The following PIGT variants were observed in gnomAD, a reference collection of about 807,000 sequenced individuals.
PIGT encodes GPI-anchor transamidase component PIGT.
PIGT carries 57 observed loss-of-function variants against 66.7 expected under a neutral mutation model. The observed-to-expected ratio is 0.86, with a 90% CI of 0.69 to 1.07. The LOEUF is 1.07. Ranked by LOEUF, PIGT falls within the 50% of genes least tolerant of loss-of-function variation. The pLI is 0.00. For missense variants in PIGT, 725 were observed against 740.4 expected, an observed-to-expected ratio of 0.98 and a Z score of 0.24; for synonymous variants, 362 against 320.5, an observed-to-expected ratio of 1.13 and a Z score of -1.38.
In PIGT at chr20:45,424,558, A is replaced by T. The variant is rs759502546; in HGVS notation, c.1463A>T (p.Glu488Val). 1 of 1,613,906 alleles carries T rather than the reference A, an allele frequency of 6.2e-7. No homozygotes were observed. Among genetic ancestry groups the T allele is most frequent in the Non-Finnish European group, 8.5e-7 (1 of 1,179,870 alleles). ...MVAAKPVDWEESPLFNSLFPV... is the reference protein window; with the variant it reads ...MVAAKPVDWEVSPLFNSLFPV... ...GCAGCCAAGCCAGTGGACTGGGAAGAGAGTCCCCTCTTCAACAGCCTGTAA... is the reference window on the plus strand; with the variant it reads ...GCAGCCAAGCCAGTGGACTGGGAAGTGAGTCCCCTCTTCAACAGCCTGTAA... Residue 488 changes from glutamate (E) to valine (V), a missense_variant, in exon 11 of 12, where the codon GAG becomes GTG. Coordinates refer to ENST00000279036, the MANE Select transcript of PIGT (RefSeq NM_015937.6).
rs1989964747 is a variant in PIGT at position 45,416,304 on chromosome 20, T to C, written c.148T>C (p.Phe50Leu). The C allele has an allele frequency of 6.3e-7, 1 of 1,596,970 alleles. No individual in the cohort carries two copies. The highest frequency in any genetic ancestry group is 8.5e-7 in the Non-Finnish European group (1 of 1,170,692). ...CGGGGACGTAGCCGCCACATTCCAG[T>C]TCCGCACGCGCTGGGATTCGGAGCT... Reference protein sequence around the residue: ...PSGDVAATFQFRTRWDSELQR... With the variant: ...PSGDVAATFQLRTRWDSELQR... The change falls in exon 1 of 12, where the codon TTC (phenylalanine) becomes CTC (leucine). Residue 50 changes from phenylalanine (F) to leucine (L), a missense_variant. Physicochemically the swap from Phe to Leu is conservative, Grantham distance 22. Transcript: ENST00000279036.
In PIGT at chr20:45,425,709, T is replaced by C. The variant is rs707577; in HGVS notation, c.1620T>C (p.Tyr540=). The C allele has an allele frequency of 0.75, 1,212,217 of 1,613,830 alleles. 456,972 individuals carry two copies. The highest frequency in any genetic ancestry group is 0.82 in the Middle Eastern group (4,969 of 6,060). Residue 540 remains tyrosine, a synonymous_variant, in exon 12 of 12, where the codon TAT becomes TAC. Transcript: ENST00000279036. ...CLTCTVVAVC[Y]GSFYNLLTRT... is the part of the protein sequence containing the mutation. ...CGTGCACTGTGGTGGCCGTGTGCTA[T>C]GGCTCCTTCTACAATCTCCTCACCC...
Position 45,420,137 on chromosome 20 carries a change from A to T in PIGT, c.683A>T (p.Asn228Ile). The T allele has an allele frequency of 6.2e-7, 1 of 1,609,924 alleles. No individual in the cohort carries two copies. The highest frequency in any genetic ancestry group is 8.5e-7 in the Non-Finnish European group (1 of 1,177,700). ...QAVHIRPVCR[N>I]ARCTSISWEL... ...GCTGCCATCTGGCCCTTGTGATAGA[A>T]TGCACGCTGTACTAGCATCTCCTGG... Residue 228 changes from asparagine (N) to isoleucine (I), a missense_variant and splice_region_variant, in exon 6 of 12, where the codon AAT (asparagine) becomes ATT (isoleucine). This residue lies in a region of PIGT where 559 missense variants were observed against 552.7 expected (regional missense o/e 1.01). Coordinates refer to ENST00000279036, the MANE Select transcript of PIGT (RefSeq NM_015937.6).
At position 45,424,556 on chromosome 20, in the gene PIGT, A is replaced by G. The variant is rs1254625355; in HGVS notation, c.1461A>G (p.Glu487=). 1.2e-6 allele frequency: 2 copies of G among 1,614,020 alleles called. No individual in the cohort carries two copies. The highest frequency in any genetic ancestry group is 1.7e-6 in the Non-Finnish European group (2 of 1,179,870). The part of the protein sequence containing the change: ...SMVAAKPVDW[E]ESPLFNSLFP... ...TAGCAGCCAAGCCAGTGGACTGGGA[A>G]GAGAGTCCCCTCTTCAACAGCCTGT... is the stretch of plus-strand genomic sequence containing the variant. Residue 487 remains glutamate, a synonymous_variant, in exon 11 of 12, where the codon GAA becomes GAG. Transcript: ENST00000279036.
In PIGT at chr20:45,420,612, T is replaced by C; in HGVS notation, c.952T>C (p.Tyr318His). Residue 318 changes from tyrosine to histidine, a missense_variant, in exon 8 of 12, where the codon TAT becomes CAT. Tyr to His is a moderately conservative substitution (Grantham distance 83, BLOSUM62 2). Around this residue, in one of 3 missense-constraint regions of PIGT, gnomAD observed 559 missense variants for 552.7 expected, o/e 1.01. Coordinates refer to ENST00000279036, the MANE Select transcript of PIGT (RefSeq NM_015937.6). ...AGGCACTCGGAAGACCTATGCCATC[T>C]ATGACTTGCTTGACACCGCCATGAT... ...ILGTRKTYAI[Y>H]DLLDTAMINN... 1 of 1,613,864 alleles carries C rather than the reference T, an allele frequency of 6.2e-7. No individual in the cohort carries two copies.
intron 11 of PIGT, 172 bp downstream of exon 11, chr20:45,424,751 A>T: frequency 1.7e-6 from 1 of 602,560 alleles, no homozygotes; most frequent in Non-Finnish European, 3.0e-6. Context: ...ATTTGTGAAG[A>T]CTTTATAAAA....
chr20:45,421,421 G>A lies in PIGT; in HGVS notation c.1072G>A (p.Val358Met), dbSNP rs370184382. The part of the protein sequence containing the change: ...PVPFLHAQRY[V>M]SGYGLQKGEL... The stretch of plus-strand genomic sequence containing the variant: ...GCCCTTCCTGCATGCCCAGCGGTAC[G>A]TGAGTGGCTATGGGCTGCAGAAGGG... Residue 358 changes from valine to methionine, a missense_variant, in exon 9 of 12, where the codon GTG becomes ATG. Transcript: ENST00000279036. 28 of 1,614,162 alleles carry A rather than the reference G, an allele frequency of 1.7e-5. No individual in the cohort carries two copies. In the East Asian group the frequency reaches 5.1e-4, roughly 30 times the overall value.
chr20:45,416,160 G>A lies in PIGT; in HGVS notation c.4G>A (p.Ala2Thr). The A allele has an allele frequency of 6.4e-7, 1 of 1,559,756 alleles. No homozygotes were observed. The highest frequency in any genetic ancestry group is 8.7e-7 in the Non-Finnish European group (1 of 1,154,324). Residue 2 changes from alanine to threonine, a missense_variant, in exon 1 of 12, where the codon GCG (alanine) becomes ACG (threonine). Ala to Thr is a moderately conservative substitution (Grantham distance 58). This residue lies in a region of PIGT where 559 missense variants were observed against 552.7 expected (regional missense o/e 1.01). Coordinates refer to ENST00000279036, the MANE Select transcript of PIGT (RefSeq NM_015937.6). ...GTAGGCGGAAGTAGCCGCAGGCATG[G>A]CGGCGGCTATGCCGCTTGCTCTGCT... M[A>T]AAMPLALLVL...
chr20:45,424,159 G>T, intron 9 of PIGT, 57 bp from the exon 10 acceptor site: 1 of 1,533,786 alleles, frequency 6.5e-7, no homozygotes, highest in Non-Finnish European at 9.0e-7. Context: ...GCAGGGACAG[G>T]GGCAGCAGGT....
chr20:45,419,605 G>C lies in PIGT; in HGVS notation c.681+15G>C, dbSNP rs1568947957. 10 of 1,581,186 alleles carry C rather than the reference G, an allele frequency of 6.3e-6. No individual in the cohort carries two copies. Among genetic ancestry groups the C allele is most frequent in the Non-Finnish European group, 8.7e-6 (10 of 1,149,954 alleles). On this transcript the variant is annotated intron_variant, in intron 5 of 11. Transcript: ENST00000279036. Reference sequence around the variant, plus strand: ...CTGTTTGCAGAGTAAGTCATGGGGAGTAGAGGAAGCTGCCATCCAGGGGCT... The same window carrying C: ...CTGTTTGCAGAGTAAGTCATGGGGACTAGAGGAAGCTGCCATCCAGGGGCT...
intron 11 of PIGT, 102 bp from the exon 12 acceptor site, chr20:45,425,472 T>C: frequency 2.6e-6 from 3 of 1,150,928 alleles, no homozygotes; most frequent in Non-Finnish European, 3.5e-6. Flanking sequence ...TAAGAGAACA[T>C]TGGAAACACT....
chr20:45,419,505 C>T lies in PIGT; in HGVS notation c.596C>T (p.Ala199Val), dbSNP rs1176690566. 5.6e-6 allele frequency: 9 copies of T among 1,614,178 alleles called. No homozygotes were observed. In the East Asian group the frequency reaches 6.7e-5, roughly 12 times the overall value. Reference sequence around the variant, plus strand: ...CTTATCTCTTTCCATCTCCTCCAGGCAGGCCTCTCTGTGCTGCTGAAGGCA... The same window carrying T: ...CTTATCTCTTTCCATCTCCTCCAGGTAGGCCTCTCTGTGCTGCTGAAGGCA... ...WKKLLPCSSK[A>V]GLSVLLKADR... is the part of the protein sequence containing the mutation. The change falls in exon 5 of 12, where the codon GCA becomes GTA. Residue 199 changes from alanine to valine, a missense_variant and splice_region_variant. By Grantham distance (64) the Ala-to-Val change is moderately conservative. Coordinates refer to ENST00000279036, the MANE Select transcript of PIGT (RefSeq NM_015937.6).
chr20:45,416,306 C>A lies in PIGT; in HGVS notation c.150C>A (p.Phe50Leu). The change falls in exon 1 of 12, where the codon TTC becomes TTA. Residue 50 changes from phenylalanine to leucine, a missense_variant. Around this residue, in one of 3 missense-constraint regions of PIGT, gnomAD observed 559 missense variants for 552.7 expected, o/e 1.01. Coordinates refer to ENST00000279036, the MANE Select transcript of PIGT (RefSeq NM_015937.6). ...PSGDVAATFQ[F>L]RTRWDSELQR... is the part of the protein sequence containing the mutation. ...GGGACGTAGCCGCCACATTCCAGTT[C>A]CGCACGCGCTGGGATTCGGAGCTTC... 1.3e-6 allele frequency: 2 copies of A among 1,596,616 alleles called. No individual in the cohort carries two copies. The highest frequency in any genetic ancestry group is 1.7e-6 in the Non-Finnish European group (2 of 1,170,412).
At chr20:45,420,055 T>G in intron 5 of PIGT, 81 bp from the exon 6 acceptor site, 2 of 952,840 alleles carry the variant, frequency 2.1e-6, no homozygotes, top group Non-Finnish European at 3.3e-6. Context: ...GATGAGGGAT[T>G]GAGTCTGAGT....
At chr20:45,419,132 CT>C in intron 3 of PIGT, 153 bp downstream of exon 3, 5 of 1,135,198 alleles carry the variant, frequency 4.4e-6, no homozygotes, top group Non-Finnish European at 3.9e-6. Context: ...CTCTGCATGC[CT>C]TTTCCCAAGG....
Position 45,425,883 on chromosome 20 carries a change from G to A in PIGT, c.*57G>A. 1 of 1,576,176 alleles carries A rather than the reference G, an allele frequency of 6.3e-7. No individual in the cohort carries two copies. Among genetic ancestry groups the A allele is most frequent in the Non-Finnish European group, 8.6e-7 (1 of 1,161,786 alleles). ...TTTCTCTCTGGGGAGGGGAGCCCAA[G>A]GGCTGTTTCTGCCACTTGCTCTCCT... On this transcript the variant is annotated 3_prime_UTR_variant, in exon 12 of 12. Transcript: ENST00000279036.
intron 2 of PIGT, chr20:45,418,109 T>G (rs1434702018): frequency 2.0e-5 from 3 of 152,426 alleles, no homozygotes; most frequent in African/African-American, 7.2e-5. Flanking sequence ...GAACATTAAT[T>G]TAATTTGATG....
intron 2 of PIGT, chr20:45,417,503 T>C (rs149869941): frequency 9.2e-5 from 14 of 152,226 alleles, no homozygotes; most frequent in African/African-American, 3.4e-4. Flanking sequence ...TTTCTAAAAA[T>C]TTTTTGTAGA....
chr20:45,421,708 G>C, intron 9 of PIGT, 125 bp downstream of exon 9: 1 of 704,372 alleles, frequency 1.4e-6, no homozygotes, highest in East Asian at 2.7e-5. Context: ...GGCATAAAGA[G>C]TAAGGAATAG....
Sources: gnomAD v4.1 joint callset for allele counts on GRCh38, gnomAD v4.1.1 for gene constraint, gnomAD v4.1.1 regional missense constraint, MANE v1.5 for transcripts, NCBI Gene and HGNC (gene_info 2026-07-23, HGNC 2026-07-21) for gene names.